The following PDE1C variants were observed in gnomAD, a reference collection of about 807,000 sequenced individuals.
PDE1C encodes the protein dual specificity calcium/calmodulin-dependent 3',5'-cyclic nucleotide phosphodiesterase 1C.
A neutral mutation model predicts 93.1 loss-of-function variants in PDE1C; 62 were observed. The observed-to-expected ratio is 0.67, with a 90% CI of 0.54 to 0.82. PDE1C has a LOEUF of 0.82. PDE1C is among the 40% of genes least tolerant of loss of function. The probability of loss-of-function intolerance (pLI) is 0.00; values close to 1 mark genes in which losing one functional copy is unlikely to be tolerated. For missense variants in PDE1C, 742 were observed against 884.6 expected (o/e 0.84, Z 2.04); for synonymous variants, 325 against 310.1 (o/e 1.05, Z -0.50).
Position 32,198,626 on chromosome 7 carries a change from C to G in PDE1C, c.136+10863G>C, listed in dbSNP as rs535028618. On this transcript the variant is annotated intron_variant, in intron 2 of 18. Coordinates refer to the PDE1C transcript ENST00000396193. ...AGCATTACATTTGTGTCCTAGGCAG[C>G]AGGATGAAAAAGCGATAAAGAAGAA... Among the ~76,000 whole-genome samples the G allele has an allele frequency of 1.7e-4, 26 of 152,160 alleles. No individual in the cohort carries two copies. The South Asian group carries it at 5.0e-3, about 29-fold the overall frequency.
At chr7:31,856,232 C>T (rs747673044) in intron 7 of PDE1C, among the ~76,000 whole-genome samples, 2 of 152,136 alleles carry the variant, frequency 1.3e-5, no homozygotes, top group Non-Finnish European at 2.9e-5. Context: ...GTTAGAGTAA[C>T]AGTATGTTCT....
chr7:31,929,059 A>G (rs1305469399), intron 2 of PDE1C, among the ~76,000 whole-genome samples: 1 of 152,128 alleles, frequency 6.6e-6, no homozygotes, highest in Non-Finnish European at 1.5e-5. Flanking sequence ...GCAAAGACAC[A>G]TATAGGCTCA....
intron 9 of PDE1C, among the ~76,000 whole-genome samples, chr7:31,839,502 C>A (rs1791575972): frequency 6.6e-6 from 1 of 151,886 alleles, no homozygotes; most frequent in African/African-American, 2.4e-5. Context: ...TATAGTGGTT[C>A]ATCAATAGTT....
intron 1 of PDE1C, among the ~76,000 whole-genome samples, chr7:32,214,869 G>T (rs1466668650): frequency 6.6e-6 from 1 of 152,140 alleles, no homozygotes; most frequent in African/African-American, 2.4e-5. Flanking sequence ...CTCAAGGAGG[G>T]TTGCAACAAT....
intron 1 of PDE1C, among the ~76,000 whole-genome samples, chr7:32,214,725 T>C (rs562249664): frequency 6.6e-6 from 1 of 152,318 alleles, no homozygotes; most frequent in East Asian, 1.9e-4. Flanking sequence ...GATGCAAACC[T>C]AACTATGGAG....
At position 31,981,171 on chromosome 7, in the gene PDE1C, G is replaced by T. The variant is rs554010688; in HGVS notation, c.128+70383C>A. On this transcript the variant is annotated intron_variant, in intron 2 of 17. Transcript: ENST00000396191. The stretch of plus-strand genomic sequence containing the variant: ...TATTCTTGTAACTACACACTACCTT[G>T]TTAACTCAATCTTATTATAATAAGC... Among the ~76,000 whole-genome samples the T allele has an allele frequency of 2.0e-5, 3 of 152,156 alleles. No individual in the cohort carries two copies. The South Asian group carries it at 6.2e-4, about 32-fold the overall frequency.
chr7:31,642,272 G>C, the PDE1C span: 2 of 1,524,986 alleles, frequency 1.3e-6, no homozygotes, highest in Middle Eastern at 1.8e-4. Flanking sequence ...GGAGGGTTTG[G>C]AACAGGGCCC....
chr7:32,272,430 T>A (rs1811031125), intron 1 of PDE1C, among the ~76,000 whole-genome samples: 1 of 152,254 alleles, frequency 6.6e-6, no homozygotes, highest in Non-Finnish European at 1.5e-5. Flanking sequence ...CTAATGAAGA[T>A]GTCGTTCTCC....
At chr7:31,984,194 C>T (rs556066888) in intron 2 of PDE1C, among the ~76,000 whole-genome samples, 1 of 152,072 alleles carries the variant, frequency 6.6e-6, no homozygotes, top group Non-Finnish European at 1.5e-5. Context: ...AGCTGGCAAG[C>T]GAGCAAGACA....
At chr7:32,204,501 C>G (rs1035998192) in intron 2 of PDE1C, among the ~76,000 whole-genome samples, 3 of 152,198 alleles carry the variant, frequency 2.0e-5, no homozygotes, top group Non-Finnish European at 4.4e-5. Flanking sequence ...ATGCCCTGGA[C>G]TCCTGACAGA....
upstream of PDE1C, among the ~76,000 whole-genome samples, chr7:32,301,276 C>T (rs1812875900): frequency 6.6e-6 from 1 of 152,028 alleles, no homozygotes; most frequent in African/African-American, 2.4e-5. Context: ...AGCTGAGGAA[C>T]CTGAAAGCCC....
intron 1 of PDE1C, among the ~76,000 whole-genome samples, chr7:32,067,787 C>G (rs1795575387): frequency 6.6e-6 from 1 of 152,154 alleles, no homozygotes; most frequent in Non-Finnish European, 1.5e-5. Flanking sequence ...CGGCCATAAG[C>G]TGTCCTAAAT....
intron 1 of PDE1C, among the ~76,000 whole-genome samples, chr7:32,055,409 G>A (rs918280628): frequency 1.3e-5 from 2 of 152,084 alleles, no homozygotes; most frequent in African/African-American, 4.8e-5. Flanking sequence ...CTTGACAGAA[G>A]TGAGTCTCAG....
At chr7:31,860,890 G>A (rs1383893473) in intron 7 of PDE1C, among the ~76,000 whole-genome samples, 2 of 152,012 alleles carry the variant, frequency 1.3e-5, no homozygotes, top group Non-Finnish European at 2.9e-5. Flanking sequence ...TGAATGACTC[G>A]AAGTAGAGTG....
At chr7:32,155,579 C>T (rs1326899684) in intron 3 of PDE1C, among the ~76,000 whole-genome samples, 1 of 152,210 alleles carries the variant, frequency 6.6e-6, no homozygotes, top group African/African-American at 2.4e-5. Flanking sequence ...AATTCCTCCA[C>T]ACAACACAGC....
intron 2 of PDE1C, among the ~76,000 whole-genome samples, chr7:31,934,244 A>G (rs1484214573): frequency 2.6e-5 from 4 of 152,190 alleles, no homozygotes; most frequent in Non-Finnish European, 5.9e-5. Flanking sequence ...GAGATGCTAT[A>G]TTTGATGTAC....
intron 3 of PDE1C, among the ~76,000 whole-genome samples, chr7:32,168,090 C>G (rs1802416594): frequency 6.6e-6 from 1 of 151,852 alleles, no homozygotes; most frequent in Non-Finnish European, 1.5e-5. Context: ...TTAAGGGTAC[C>G]AATAAATAAA....
chr7:31,829,895 A>G (rs1284694821), intron 11 of PDE1C, among the ~76,000 whole-genome samples: 1 of 152,188 alleles, frequency 6.6e-6, no homozygotes, highest in Non-Finnish European at 1.5e-5. Context: ...AGTTCAGCTA[A>G]AACAAACAAA....
chr7:31,719,529 T>C, the PDE1C span, among the ~76,000 whole-genome samples: 1 of 152,224 alleles, frequency 6.6e-6, no homozygotes, highest in African/African-American at 2.4e-5. Flanking sequence ...GTCAATGCTA[T>C]TATAATTTAT....
Sources: allele counts gnomAD v4.1 joint callset (sites outside exome capture counted in the v4.1 genomes callset), GRCh38; gene constraint gnomAD v4.1.1; transcripts MANE v1.5; gene names NCBI Gene and HGNC (gene_info 2026-07-23, HGNC 2026-07-21).